The following SOHLH2 variants were observed in gnomAD, a reference collection of about 807,000 sequenced individuals.
SOHLH2 encodes spermatogenesis and oogenesis specific basic helix-loop-helix 2, also known as spermatogenesis- and oogenesis-specific basic helix-loop-helix-containing protein 2.
In SOHLH2, 22 loss-of-function variants were observed where a neutral mutation model predicts 50.4. That is an observed-to-expected ratio of 0.44 (90% CI 0.31 to 0.62). SOHLH2 has a LOEUF of 0.62. Ranked by LOEUF, SOHLH2 falls within the 20% of genes least tolerant of loss-of-function variation. SOHLH2 has a pLI of 0.08. For synonymous variants in SOHLH2, 185 were observed against 187.3 expected, an observed-to-expected ratio of 0.99 and a Z score of 0.10; for missense variants, 412 against 504.4, an observed-to-expected ratio of 0.82 and a Z score of 1.76.
intron 1 of SOHLH2, among the ~76,000 whole-genome samples, chr13:36,213,876 T>C (rs1869268636): frequency 6.6e-6 from 1 of 151,884 alleles, no homozygotes; most frequent in Non-Finnish European, 1.5e-5. Flanking sequence ...TGCAGGAAAA[T>C]AACGCGCCTA....
At chr13:36,196,119 G>T (rs1432777448) in intron 2 of SOHLH2, among the ~76,000 whole-genome samples, 1 of 138,772 alleles carries the variant, frequency 7.2e-6, no homozygotes, top group East Asian at 2.1e-4. Context: ...TAGATAGATA[G>T]ATAGATAATT....
intron 2 of SOHLH2, among the ~76,000 whole-genome samples, chr13:36,197,401 A>G (rs561931664): frequency 3.7e-4 from 56 of 152,328 alleles, no homozygotes; most frequent in Non-Finnish European, 6.3e-4. Flanking sequence ...TGGTAGCTGA[A>G]AAAACAAAGA....
chr13:36,184,460 CTTT>C (rs1229884029), intron 6 of SOHLH2, among the ~76,000 whole-genome samples: 36 of 121,170 alleles, frequency 3.0e-4, no homozygotes, highest in South Asian at 8.8e-4. Context: ...CTACAAAGAC[CTTT>C]TTTTTTTTTT....
chr13:36,171,459 T>C (rs1886959093), intron 9 of SOHLH2, among the ~76,000 whole-genome samples: 2 of 152,352 alleles, frequency 1.3e-5, no homozygotes, highest in South Asian at 4.1e-4. Context: ...ATTTAACTTC[T>C]CTAGCCTTCA....
intron 6 of SOHLH2, among the ~76,000 whole-genome samples, chr13:36,177,598 T>C (rs1887127350): frequency 6.6e-6 from 1 of 152,106 alleles, no homozygotes; most frequent in South Asian, 2.1e-4. Flanking sequence ...ATTTTAGCAT[T>C]TTGGCCTTTC....
chr13:36,182,245 T>C (rs1302101760), intron 6 of SOHLH2: 1 of 985,310 alleles, frequency 1.0e-6, no homozygotes, highest in East Asian at 1.1e-4. Flanking sequence ...CAAAATCTTG[T>C]ATACAGTGAA....
rs764218457 is a variant in SOHLH2 at position 36,184,459 on chromosome 13, C to CTTTTTTTTTTTTTTTTTTTTTTTTTT, written c.641+5486_641+5487insAAAAAAAAAAAAAAAAAAAAAAAAAA. On this transcript the variant is annotated intron_variant, in intron 6 of 10. Coordinates refer to ENST00000379881, the MANE Select transcript of SOHLH2 (RefSeq NM_017826.3). ...TGATGGAAGTTTCTACCTACAAAGA[C>CTTTTTTTTTTTTTTTTTTTTTTTTTT]CTTTTTTTTTTTTTTTTTTTGAGAC... is the stretch of plus-strand genomic sequence containing the variant. Among the ~76,000 whole-genome samples, 15 of 81,664 alleles carry CTTTTTTTTTTTTTTTTTTTTTTTTTT rather than the reference C, an allele frequency of 1.8e-4. 1 individual carries two copies. The highest frequency in any genetic ancestry group is 5.9e-4 in the African/African-American group (12 of 20,410). 53.6% of individuals were successfully genotyped at this position (81,664 alleles called of 152,430 possible).
chr13:36,176,355 A>G (rs1229902031), intron 6 of SOHLH2, among the ~76,000 whole-genome samples: 1 of 152,194 alleles, frequency 6.6e-6, no homozygotes, highest in Non-Finnish European at 1.5e-5. Flanking sequence ...AAATTTTCCA[A>G]CATTAGAAAA....
intron 10 of SOHLH2, among the ~76,000 whole-genome samples, chr13:36,169,559 T>G (rs972154383): frequency 1.3e-4 from 20 of 152,260 alleles, no homozygotes; most frequent in African/African-American, 4.8e-4. Context: ...ACACAGAGTA[T>G]TTGGCACTAT....
chr13:36,183,738 A>G (rs1354594379), intron 6 of SOHLH2, among the ~76,000 whole-genome samples: 1 of 152,194 alleles, frequency 6.6e-6, no homozygotes, highest in Non-Finnish European at 1.5e-5. Context: ...TTAGAAAAAA[A>G]CCATGCAAAC....
rs3838357 is a variant in SOHLH2 at position 36,199,311 on chromosome 13, TCACACACACACA to T, written c.263+2556_263+2567del. The stretch of plus-strand genomic sequence containing the variant: ...CCATGAAAGCAAAGCTTACACACCC[TCACACACACACA>T]CACACACATAACCAAACGACTCTGT... On this transcript the variant is annotated intron_variant, in intron 2 of 10. Coordinates refer to ENST00000379881, the MANE Select transcript of SOHLH2 (RefSeq NM_017826.3). Among the ~76,000 whole-genome samples the T allele has an allele frequency of 1.2e-3, 173 of 149,244 alleles. 2 individuals are homozygous for T. Among genetic ancestry groups the T allele is most frequent in the African/African-American group, 4.0e-3 (164 of 40,830 alleles).
chr13:36,182,611 C>T (rs983604778), intron 6 of SOHLH2: 1 of 152,314 alleles, frequency 6.6e-6, no homozygotes, highest in African/African-American at 2.4e-5. Flanking sequence ...CACCAGAAGA[C>T]CACATGTGTG....
At chr13:36,203,896 A>T (rs1308919383) in intron 1 of SOHLH2, among the ~76,000 whole-genome samples, 2 of 148,908 alleles carry the variant, frequency 1.3e-5, no homozygotes, top group African/African-American at 5.0e-5. Context: ...TACAGTCTGG[A>T]TATTAGTCAA....
At chr13:36,180,563 T>C (rs1248530375) in intron 6 of SOHLH2, among the ~76,000 whole-genome samples, 1 of 152,110 alleles carries the variant, frequency 6.6e-6, no homozygotes, top group East Asian at 1.9e-4. Context: ...TATATTTTGT[T>C]CTCAATAGAT....
At chr13:36,195,111 G>A (rs1021476720) in intron 2 of SOHLH2, among the ~76,000 whole-genome samples, 16 of 152,178 alleles carry the variant, frequency 1.1e-4, no homozygotes, top group African/African-American at 2.6e-4. Context: ...GACATTAAAC[G>A]AATCATTATA....
chr13:36,184,885 G>T (rs1183715246), intron 6 of SOHLH2, among the ~76,000 whole-genome samples: 1 of 152,112 alleles, frequency 6.6e-6, no homozygotes, highest in Admixed American at 6.5e-5. Context: ...AGCCCCGCAT[G>T]CATTAGGTAT....
At chr13:36,211,443 AACAAG>A (rs1045760310) in intron 1 of SOHLH2, among the ~76,000 whole-genome samples, 13 of 152,392 alleles carry the variant, frequency 8.5e-5, no homozygotes, top group South Asian at 2.1e-4. Context: ...AAGGTGAACA[AACAAG>A]ACAAGGTCCT....
intron 6 of SOHLH2, among the ~76,000 whole-genome samples, chr13:36,187,461 T>G (rs1056743697): frequency 7.2e-5 from 11 of 152,226 alleles, no homozygotes; most frequent in African/African-American, 2.4e-4. Flanking sequence ...TTTTCTCATT[T>G]GGCTTCAGAT....
At chr13:36,188,203 TG>T (rs1442011589) in intron 6 of SOHLH2, among the ~76,000 whole-genome samples, 1 of 152,186 alleles carries the variant, frequency 6.6e-6, no homozygotes, top group Non-Finnish European at 1.5e-5. Flanking sequence ...GTTAATGTCA[TG>T]TAGGCAGAAG....
Sources: gnomAD v4.1 joint callset for allele counts (sites outside exome capture counted in the v4.1 genomes callset) on GRCh38, gnomAD v4.1.1 for gene constraint, MANE v1.5 for transcripts, NCBI Gene and HGNC (gene_info 2026-07-23, HGNC 2026-07-21) for gene names.